The following CFAP43 variants were observed in gnomAD, a reference collection of about 807,000 sequenced individuals.
CFAP43 encodes the protein cilia and flagella associated protein 43.
CFAP43 carries 155 observed loss-of-function variants against 218.9 expected under a neutral mutation model. The observed-to-expected ratio is 0.71, with a 90% confidence interval of 0.62 to 0.81. CFAP43 has a LOEUF of 0.81. Among genes scored for constraint, CFAP43 ranks in the 30% least tolerant of loss-of-function variants. The pLI is 0.00. For missense variants in CFAP43, 1,778 were observed against 1,954.3 expected, an observed-to-expected ratio of 0.91 and a Z score of 1.70; for synonymous variants, 645 against 681.3, an observed-to-expected ratio of 0.95 and a Z score of 0.83.
chr10:104,133,762 G>C lies in CFAP43; in HGVS notation c.4454C>G (p.Ala1485Gly), dbSNP rs752965694. 2 of 1,610,134 alleles carry C rather than the reference G, an allele frequency of 1.2e-6. No individual in the cohort carries two copies. The highest frequency in any genetic ancestry group is 8.5e-7 in the Non-Finnish European group (1 of 1,178,696). ...TACATCTTTACTTTCCATCATGCTA[G>C]CAACTTTCTTTTGTCCTTGAGTCTT... ...VIRTQGQKKVASMMESKDVHK... is the reference protein window; with the variant it reads ...VIRTQGQKKVGSMMESKDVHK... The change falls in exon 35 of 38, where the codon GCT becomes GGT. Residue 1485 changes from alanine to glycine, a missense_variant. Ala to Gly is a moderately conservative substitution (Grantham distance 60). Around this residue, in one of 3 missense-constraint regions of CFAP43, gnomAD observed 211 missense variants for 230.6 expected, o/e 0.91. Coordinates refer to ENST00000357060, the MANE Select transcript of CFAP43 (RefSeq NM_025145.7).
At chr10:104,175,828 G>A (rs1701303453) in intron 19 of CFAP43, among the ~76,000 whole-genome samples, 1 of 152,220 alleles carries the variant, frequency 6.6e-6, no homozygotes, top group African/African-American at 2.4e-5. Flanking sequence ...TTGAACCACT[G>A]TGAGTTGGGG....
intron 19 of CFAP43, among the ~76,000 whole-genome samples, chr10:104,177,658 C>T (rs368309135): frequency 5.7e-4 from 87 of 152,272 alleles, no homozygotes; most frequent in African/African-American, 2.0e-3. Flanking sequence ...TTGGTTTGTA[C>T]CAGCAAACCT....
At chr10:104,223,838 C>T (rs1234454615) in intron 3 of CFAP43, among the ~76,000 whole-genome samples, 3 of 152,122 alleles carry the variant, frequency 2.0e-5, no homozygotes, top group African/African-American at 7.2e-5. Flanking sequence ...AAAGGAATGA[C>T]TACTGACACA....
chr10:104,196,367 A>T (rs2090381671), intron 10 of CFAP43, among the ~76,000 whole-genome samples: 1 of 152,164 alleles, frequency 6.6e-6, no homozygotes, highest in Admixed American at 6.5e-5. Flanking sequence ...GGACCATTTA[A>T]CCAATTATGG....
chr10:104,211,248 T>C (rs1375996334), intron 5 of CFAP43, among the ~76,000 whole-genome samples: 1 of 152,222 alleles, frequency 6.6e-6, no homozygotes, highest in African/African-American at 2.4e-5. Flanking sequence ...GTGATAATTA[T>C]TACAAAAGAA....
intron 22 of CFAP43, 54 bp from the exon 23 acceptor site, chr10:104,166,772 A>T (rs1397207771): frequency 1.4e-6 from 2 of 1,470,726 alleles, no homozygotes; most frequent in Non-Finnish European, 1.8e-6. Flanking sequence ...AATCCTCTAA[A>T]GGGAAATTTT....
At chr10:104,216,610 C>T (rs531562248) in intron 3 of CFAP43, among the ~76,000 whole-genome samples, 4 of 152,150 alleles carry the variant, frequency 2.6e-5, no homozygotes, top group South Asian at 2.1e-4. Flanking sequence ...CGATGGGATA[C>T]AGGAGTTGGT....
Position 104,131,472 on chromosome 10 carries a change from T to G in CFAP43, c.4690A>C (p.Asn1564His), listed in dbSNP as rs766297473. 1.2e-6 allele frequency: 2 copies of G among 1,607,482 alleles called. No homozygotes were observed. Among genetic ancestry groups the G allele is most frequent in the South Asian group, 2.2e-5 (2 of 88,984 alleles). Residue 1564 changes from asparagine to histidine, a missense_variant, in exon 37 of 38, where the codon AAT becomes CAT. Transcript: ENST00000357060. ...IAVLDKMHKKNVENCKKLLKK... is the reference protein window; with the variant it reads ...IAVLDKMHKKHVENCKKLLKK... ...AGTAGTTTCTTGCAGTTTTCCACAT[T>G]CTTTTTGTGCATCTGAAATTTTTGT...
rs961171053 is a variant in CFAP43 at position 104,188,838 on chromosome 10, C to T, written c.1547-428G>A. On this transcript the variant is annotated intron_variant, in intron 12 of 37. Transcript: ENST00000357060. ...TCAAGGACTGTGGGTGTGGTGGAAA[C>T]GTGACTTTATGAGCTTGCTCCACTA... Among the ~76,000 whole-genome samples, 10 of 152,148 alleles carry T rather than the reference C, an allele frequency of 6.6e-5. 1 individual carries two copies. The highest frequency in any genetic ancestry group is 2.4e-4 in the African/African-American group (10 of 41,420).
In CFAP43 at chr10:104,164,206, T is replaced by C; in HGVS notation, c.3134A>G (p.Asn1045Ser). The C allele has an allele frequency of 6.2e-7, 1 of 1,614,152 alleles. No homozygotes were observed. Among genetic ancestry groups the C allele is most frequent in the Middle Eastern group, 1.6e-4 (1 of 6,062 alleles). The change falls in exon 24 of 38, where the codon AAT becomes AGT. Residue 1045 changes from asparagine to serine, a missense_variant. Asn to Ser is a conservative substitution (Grantham distance 46). Around this residue, in one of 3 missense-constraint regions of CFAP43, gnomAD observed 1,553 missense variants for 1,685.2 expected, o/e 0.92. Transcript: ENST00000357060. ...EFEIARVKER[N>S]VRIREIILDL... ...TAAAATAATTTCTCGAATTCGAACA[T>C]TTCTTTCCTTCACGCGTGCAATTTC...
chr10:104,213,830 C>A (rs138206440), intron 4 of CFAP43, among the ~76,000 whole-genome samples: 2 of 152,120 alleles, frequency 1.3e-5, no homozygotes, highest in African/African-American at 4.8e-5. Flanking sequence ...CCACTGCACT[C>A]GGCCAATCTG....
At chr10:104,222,546 T>G (rs1214822882) in intron 3 of CFAP43, among the ~76,000 whole-genome samples, 1 of 152,208 alleles carries the variant, frequency 6.6e-6, no homozygotes, top group African/African-American at 2.4e-5. Flanking sequence ...GAGCAGTGTC[T>G]GGTCCTCTGC....
At position 104,130,101 on chromosome 10, in the gene CFAP43, A is replaced by T. The variant is rs764755644; in HGVS notation, c.*38T>A. ...TTTACCCAAATGAAATGATTTTTTA[A>T]ATGATTGATTTGGCCTTGTGTTTTC... On this transcript the variant is annotated 3_prime_UTR_variant, in exon 38 of 38. Transcript: ENST00000357060. 11 of 1,536,628 alleles carry T rather than the reference A, an allele frequency of 7.2e-6. No homozygotes were observed. Among genetic ancestry groups the T allele is most frequent in the East Asian group, 2.4e-5 (1 of 42,526 alleles).
chr10:104,155,932 G>T (rs2134789689), intron 27 of CFAP43, among the ~76,000 whole-genome samples: 1 of 152,028 alleles, frequency 6.6e-6, no homozygotes, highest in East Asian at 1.9e-4. Context: ...GAGGCAGGGG[G>T]CAGAGGAACT....
chr10:104,231,106 A>G (rs1224114907), intron 1 of CFAP43, among the ~76,000 whole-genome samples: 1 of 152,226 alleles, frequency 6.6e-6, no homozygotes, highest in Non-Finnish European at 1.5e-5. Context: ...AAACTCTCTG[A>G]CCAAACCTGA....
intron 22 of CFAP43, among the ~76,000 whole-genome samples, chr10:104,167,346 T>G (rs10748861): frequency 6.6e-6 from 1 of 152,034 alleles, no homozygotes; most frequent in Admixed American, 6.6e-5. Flanking sequence ...ACAACCTCTG[T>G]GCAGGATAAG....
chr10:104,217,390 C>G (rs951233370), intron 3 of CFAP43, among the ~76,000 whole-genome samples: 12 of 151,486 alleles, frequency 7.9e-5, no homozygotes, highest in Admixed American at 3.9e-4. Context: ...CTTTAGTGTT[C>G]CAGGCATTTT....
Position 104,140,766 on chromosome 10 carries a change from T to C in CFAP43, c.4431+76A>G, listed in dbSNP as rs527794470. 1.5e-5 allele frequency: 19 copies of C among 1,228,368 alleles called. No individual in the cohort carries two copies. The South Asian group carries it at 2.9e-4, about 18-fold the overall frequency. The allele number at this position is 1,228,368 out of a possible 1,614,324, so 76.1% of individuals were successfully genotyped here. A position where few individuals can be genotyped will look rare whatever the true frequency, so the allele number is the denominator to read the frequency against. ...TAAGGGTTAAGGCTGCAGTGAGCCA[T>C]GATTGTGCCACAAGACTCTAGCCTG... On this transcript the variant is annotated intron_variant, in intron 34 of 37. Transcript: ENST00000357060.
chr10:104,189,105 C>T (rs1248007785), intron 12 of CFAP43, among the ~76,000 whole-genome samples: 2 of 152,144 alleles, frequency 1.3e-5, no homozygotes, highest in African/African-American at 4.8e-5. Context: ...TTGTCTGTTT[C>T]CATTTTCTCC....
Sources: allele counts gnomAD v4.1 joint callset (sites outside exome capture counted in the v4.1 genomes callset), GRCh38; gene constraint gnomAD v4.1.1; regional missense constraint gnomAD v4.1.1; transcripts MANE v1.5; gene names NCBI Gene and HGNC (gene_info 2026-07-23, HGNC 2026-07-21).